The following CADM2 variants were observed in gnomAD, a reference collection of about 807,000 sequenced individuals.
CADM2 encodes the protein immunoglobulin superfamily member 4D.
A neutral mutation model predicts 49.8 loss-of-function variants in CADM2; 12 were observed. The observed-to-expected ratio is 0.24, with a 90% confidence interval of 0.15 to 0.39. The LOEUF (loss-of-function observed/expected upper bound fraction) is 0.39. CADM2 is among the 10% of genes least tolerant of loss of function. The pLI is 1.00. For missense variants in CADM2, 378 were observed against 492.3 expected (o/e 0.77, Z 2.20); for synonymous variants, 214 against 175.4 (o/e 1.22, Z -1.74).
Position 86,066,862 on chromosome 3 carries a change from C to A in CADM2, c.*79C>A. The A allele has an allele frequency of 1.1e-6, 1 of 927,540 alleles. No homozygotes were observed. Among genetic ancestry groups the A allele is most frequent in the Non-Finnish European group, 1.8e-6 (1 of 565,534 alleles). 57.5% of individuals were successfully genotyped at this position (927,540 alleles called of 1,614,324 possible). ...GGCTATCATCTTTCAGAAGTCATTT[C>A]TACCATCGTCTGCTACCCTTATTAA... On this transcript the variant is annotated 3_prime_UTR_variant, in exon 10 of 10. Coordinates refer to ENST00000383699, the MANE Select transcript of CADM2 (RefSeq NM_001167675.2).
chr3:85,987,690 A>G (rs1227186348), intron 8 of CADM2, among the ~76,000 whole-genome samples: 1 of 146,736 alleles, frequency 6.8e-6, no homozygotes, highest in African/African-American at 2.5e-5. Flanking sequence ...TATATAAAAT[A>G]ATATAATAAA....
intron 1 of CADM2, among the ~76,000 whole-genome samples, chr3:84,971,897 G>T (rs1441693055): frequency 1.3e-5 from 2 of 152,074 alleles, no homozygotes; most frequent in African/African-American, 4.8e-5. Context: ...TGGTAATAGA[G>T]GAATGAAGTG....
chr3:85,557,595 G>A (rs1377883201), intron 1 of CADM2, among the ~76,000 whole-genome samples: 1 of 151,768 alleles, frequency 6.6e-6, no homozygotes, highest in Non-Finnish European at 1.5e-5. Context: ...TTTTCATAAA[G>A]GAGATAAGTT....
At chr3:85,887,759 T>C in intron 5 of CADM2, among the ~76,000 whole-genome samples, 1 of 152,142 alleles carries the variant, frequency 6.6e-6, no homozygotes, top group East Asian at 1.9e-4. Flanking sequence ...TAACATCCAT[T>C]CTAATTCTGC....
chr3:85,541,347 A>T lies in CADM2; in HGVS notation c.62-185175A>T, dbSNP rs187824887. 5.9e-5 allele frequency among the ~76,000 whole-genome samples: 9 copies of T among 151,814 alleles called. No homozygotes were observed. The East Asian group carries it at 1.5e-3, about 26-fold the overall frequency. On this transcript the variant is annotated intron_variant, in intron 1 of 9. Transcript: ENST00000383699. ...ATGCATGTATATACATTATATTCAC[A>T]AATATTGAATGTAAATTGAATTCAA...
intron 1 of CADM2, among the ~76,000 whole-genome samples, chr3:85,436,239 A>G (rs1207279696): frequency 6.6e-6 from 1 of 152,082 alleles, no homozygotes; most frequent in Non-Finnish European, 1.5e-5. Context: ...TTATTGGTGT[A>G]TAGGAATGCT....
intron 1 of CADM2, among the ~76,000 whole-genome samples, chr3:84,992,372 A>T (rs2032939632): frequency 6.6e-6 from 1 of 152,188 alleles, no homozygotes; most frequent in East Asian, 1.9e-4. Flanking sequence ...TAGTTAAAAT[A>T]ACAATGCTAG....
At chr3:85,803,482 CAGAT>C (rs1246917963) in intron 3 of CADM2, among the ~76,000 whole-genome samples, 2 of 118,778 alleles carry the variant, frequency 1.7e-5, no homozygotes, top group African/African-American at 3.4e-5. Flanking sequence ...AAGAAACAGA[CAGAT>C]AGATAGATAG....
intron 8 of CADM2, among the ~76,000 whole-genome samples, chr3:86,006,539 T>C (rs952738783): frequency 7.2e-5 from 11 of 152,188 alleles, no homozygotes; most frequent in African/African-American, 2.4e-4. Flanking sequence ...TTGAAACCTC[T>C]AAGGCAGGCT....
intron 5 of CADM2, among the ~76,000 whole-genome samples, chr3:85,912,110 AT>A (rs1161516355): frequency 4.0e-5 from 6 of 151,250 alleles, no homozygotes; most frequent in African/African-American, 9.7e-5. Flanking sequence ...CATCCGGCTA[AT>A]TTTTTTTGTA....
Position 85,798,575 on chromosome 3 carries a change from T to C in CADM2, c.89-3472T>C, listed in dbSNP as rs192605911. ...GTCACGTTTGTCAAAGATCAGATGG[T>C]TGTAGATGTGTGGCATTATTTCTGA... On this transcript the variant is annotated intron_variant, in intron 2 of 9. Coordinates refer to ENST00000383699, the MANE Select transcript of CADM2 (RefSeq NM_001167675.2). Among the ~76,000 whole-genome samples the C allele has an allele frequency of 4.6e-5, 7 of 152,298 alleles. No individual in the cohort carries two copies. In the East Asian group the frequency reaches 1.4e-3, roughly 29 times the overall value.
intron 1 of CADM2, among the ~76,000 whole-genome samples, chr3:85,046,740 G>A (rs915580580): frequency 4.6e-5 from 7 of 151,946 alleles, no homozygotes; most frequent in East Asian, 1.9e-4. Flanking sequence ...CTCATGGATA[G>A]ACTAATGTTT....
chr3:85,581,737 T>TA (rs1324933614), intron 1 of CADM2, among the ~76,000 whole-genome samples: 2 of 151,848 alleles, frequency 1.3e-5, no homozygotes, highest in Non-Finnish European at 2.9e-5. Context: ...GTGTGGTAAT[T>TA]ACATGGGCAA....
chr3:85,436,206 T>G (rs1387552540), intron 1 of CADM2, among the ~76,000 whole-genome samples: 1 of 152,158 alleles, frequency 6.6e-6, no homozygotes, highest in African/African-American at 2.4e-5. Flanking sequence ...AGTTCACTCA[T>G]GATTTGACTC....
At chr3:85,394,366 G>A (rs1223719248) in intron 1 of CADM2, among the ~76,000 whole-genome samples, 2 of 151,766 alleles carry the variant, frequency 1.3e-5, no homozygotes, top group Non-Finnish European at 2.9e-5. Flanking sequence ...TCCATAATAA[G>A]GTATGATATG....
intron 8 of CADM2, among the ~76,000 whole-genome samples, chr3:85,980,379 A>G (rs1040766349): frequency 2.0e-5 from 3 of 151,540 alleles, no homozygotes; most frequent in Non-Finnish European, 4.4e-5. Context: ...TTTAACAGTT[A>G]TAATAGTCTT....
Position 85,524,351 on chromosome 3 carries a change from C to G in CADM2, c.62-202171C>G, listed in dbSNP as rs1576716148. ...TATGTTTTAACGAATGTACTCAGTG[C>G]TATAACTCCATTCCTAAGTACTGGC... On this transcript the variant is annotated intron_variant, in intron 1 of 9. Coordinates refer to ENST00000383699, the MANE Select transcript of CADM2 (RefSeq NM_001167675.2). Among the ~76,000 whole-genome samples, 5 of 152,146 alleles carry G rather than the reference C, an allele frequency of 3.3e-5. No homozygotes were observed. In the East Asian group the frequency reaches 9.7e-4, roughly 29 times the overall value.
intron 1 of CADM2, among the ~76,000 whole-genome samples, chr3:85,609,975 T>C (rs1366006157): frequency 6.6e-6 from 1 of 152,034 alleles, no homozygotes; most frequent in Admixed American, 6.6e-5. Context: ...GATAGAACTG[T>C]ACACATTTGT....
chr3:85,251,612 T>C (rs1377067668), intron 1 of CADM2, among the ~76,000 whole-genome samples: 1 of 151,948 alleles, frequency 6.6e-6, no homozygotes, highest in East Asian at 1.9e-4. Flanking sequence ...TTACAGATAT[T>C]GTATCATCTG....
Sources: gnomAD v4.1 joint callset for allele counts (sites outside exome capture counted in the v4.1 genomes callset) on GRCh38, gnomAD v4.1.1 for gene constraint, MANE v1.5 for transcripts, NCBI Gene and HGNC (gene_info 2026-07-23, HGNC 2026-07-21) for gene names.